The following NRG1 variants were observed in gnomAD, a reference collection of about 807,000 sequenced individuals.
The protein encoded by NRG1 is neuregulin 1, also known as pro-neuregulin-1, membrane-bound isoform.
Under a neutral mutation model 63.8 loss-of-function variants are expected in NRG1, and 18 were observed. That is an observed-to-expected ratio of 0.28 (90% CI 0.19 to 0.42). NRG1 has a LOEUF of 0.42. NRG1 is among the 10% of genes least tolerant of loss of function. The pLI is 1.00. For synonymous variants in NRG1, 302 were observed against 301.3 expected (o/e 1.00, Z -0.02); for missense variants, 762 against 814.7 (o/e 0.94, Z 0.79).
chr8:31,909,614 G>A (rs1205223690), intron 1 of NRG1, among the ~76,000 whole-genome samples: 1 of 152,202 alleles, frequency 6.6e-6, no homozygotes, highest in Non-Finnish European at 1.5e-5. Flanking sequence ...TTGGCTGAAT[G>A]TGTCTGTGCT....
At chr8:32,612,972 AAAG>A (rs1319007316) in intron 3 of NRG1, among the ~76,000 whole-genome samples, 2 of 152,046 alleles carry the variant, frequency 1.3e-5, no homozygotes, top group African/African-American at 2.4e-5. Context: ...ACATTTTCTC[AAAG>A]AAGAACAATT....
chr8:31,640,342 G>A lies in NRG1; in HGVS notation c.37+911G>A. 1 of 1,195,210 alleles carries A rather than the reference G, an allele frequency of 8.4e-7. No homozygotes were observed. Among genetic ancestry groups the A allele is most frequent in the Non-Finnish European group, 1.0e-6 (1 of 965,658 alleles). The allele number at this position is 1,195,210 out of a possible 1,614,324, so 74.0% of individuals were successfully genotyped here. On this transcript the variant is annotated intron_variant, in intron 1 of 10. Transcript: ENST00000519301. This position sits in a 1 kb window ranked among gnomAD's most constrained non-coding sequence, Gnocchi z 6.3. ...GGGCGGCGATCGCGAGCCGCCAGCC[G>A]CGGGCCCACGGGCGCTGGGGCCGCC...
intron 1 of NRG1, among the ~76,000 whole-genome samples, chr8:32,147,889 G>C (rs558688497): frequency 6.6e-6 from 1 of 152,104 alleles, no homozygotes; most frequent in Admixed American, 6.5e-5. Context: ...TTCTCTTGTT[G>C]TTTGAAATAT....
At chr8:32,090,802 G>C (rs1204513522) in intron 1 of NRG1, among the ~76,000 whole-genome samples, 1 of 152,076 alleles carries the variant, frequency 6.6e-6, no homozygotes, top group Non-Finnish European at 1.5e-5. Context: ...AGCAGATTAG[G>C]GGCTGAGGTC....
chr8:32,167,183 C>G (rs1839493451), intron 1 of NRG1, among the ~76,000 whole-genome samples: 2 of 152,094 alleles, frequency 1.3e-5, no homozygotes, highest in Non-Finnish European at 2.9e-5. Context: ...AAGTTAAAGT[C>G]AAAATCCAGC....
chr8:31,898,869 G>C (rs1436083727), intron 1 of NRG1, among the ~76,000 whole-genome samples: 8 of 150,838 alleles, frequency 5.3e-5, no homozygotes, highest in Admixed American at 4.6e-4. Flanking sequence ...TTTTTTCTTT[G>C]CATCCAGATT....
intron 1 of NRG1, among the ~76,000 whole-genome samples, chr8:32,274,878 C>G (rs1851928461): frequency 1.3e-5 from 2 of 152,142 alleles, no homozygotes; most frequent in African/African-American, 4.8e-5. Flanking sequence ...AAATCCCATG[C>G]ATTTTGGAAA....
At chr8:32,053,198 A>G (rs1822274476) in intron 1 of NRG1, among the ~76,000 whole-genome samples, 1 of 152,132 alleles carries the variant, frequency 6.6e-6, no homozygotes, top group African/African-American at 2.4e-5. Context: ...TCTAGAAATG[A>G]TGCTCTGTGG....
chr8:32,645,525 A>G (rs1018823376), intron 5 of NRG1, among the ~76,000 whole-genome samples: 1 of 152,212 alleles, frequency 6.6e-6, no homozygotes, highest in Admixed American at 6.5e-5. Flanking sequence ...GGAAGAAGTG[A>G]TAATATTCTT....
At chr8:32,320,021 G>A (rs917715678) in intron 1 of NRG1, among the ~76,000 whole-genome samples, 2 of 152,074 alleles carry the variant, frequency 1.3e-5, no homozygotes, top group Non-Finnish European at 1.5e-5. Context: ...TTTGAACCCA[G>A]GATAACCTGG....
chr8:32,620,140 G>A (rs1390710519), intron 5 of NRG1, among the ~76,000 whole-genome samples: 1 of 152,110 alleles, frequency 6.6e-6, no homozygotes, highest in Non-Finnish European at 1.5e-5. Flanking sequence ...AAAGTCAAAG[G>A]CCTCAGAAAA....
At chr8:31,902,626 A>G (rs1280808414) in intron 1 of NRG1, among the ~76,000 whole-genome samples, 7 of 152,200 alleles carry the variant, frequency 4.6e-5, no homozygotes, top group Admixed American at 4.6e-4. Context: ...TGAAGAAGAA[A>G]CGTACTAATA....
At chr8:31,806,202 T>C (rs1822268787) in intron 1 of NRG1, among the ~76,000 whole-genome samples, 2 of 152,176 alleles carry the variant, frequency 1.3e-5, no homozygotes, top group Admixed American at 1.3e-4. Context: ...GAACACATGC[T>C]ATCAACTGGA....
rs1324303055 is a variant in NRG1, at chr8:32,734,465, A to G, written c.632+6387A>G. 3.9e-5 allele frequency among the ~76,000 whole-genome samples: 6 copies of G among 152,354 alleles called. No homozygotes were observed. The East Asian group carries it at 9.6e-4, about 24-fold the overall frequency. ...TTGTTGTATTTGTAGTATTGCTGCT[A>G]ACACCAATACCAGCCTAGAAGAGTT... On this transcript the variant is annotated intron_variant, in intron 6 of 11. Transcript: ENST00000356819.
chr8:32,142,014 T>C lies in NRG1; in HGVS notation c.38-453814T>C, dbSNP rs1836341200. Among the ~76,000 whole-genome samples, 4 of 152,140 alleles carry C rather than the reference T, an allele frequency of 2.6e-5. 1 individual carries two copies. The highest frequency in any genetic ancestry group is 2.6e-4 in the Admixed American group (4 of 15,276). ...CTATCCCTGAAAGTGGCTGTTCTTCTCCATCAGTTTCCTGGGCAAGGGCTC... is the reference window on the plus strand; with the variant it reads ...CTATCCCTGAAAGTGGCTGTTCTTCCCCATCAGTTTCCTGGGCAAGGGCTC... On this transcript the variant is annotated intron_variant, in intron 1 of 10. Coordinates refer to the NRG1 transcript ENST00000519301.
intron 6 of NRG1, among the ~76,000 whole-genome samples, chr8:32,732,799 CTTTTTTTT>C (rs1173388613): frequency 4.8e-5 from 4 of 83,344 alleles, no homozygotes; most frequent in Non-Finnish European, 6.7e-5. Context: ...TGTTTAATTT[CTTTTTTTT>C]TTTTTTTTTT....
intron 5 of NRG1, among the ~76,000 whole-genome samples, chr8:32,685,451 C>G (rs1013704233): frequency 6.6e-6 from 1 of 152,156 alleles, no homozygotes; most frequent in African/African-American, 2.4e-5. Context: ...CAACTCTTTT[C>G]CCTCCACACT....
chr8:31,951,173 G>T (rs558516696), intron 1 of NRG1, among the ~76,000 whole-genome samples: 2 of 152,182 alleles, frequency 1.3e-5, no homozygotes, highest in Non-Finnish European at 2.9e-5. Flanking sequence ...AAGCCTTTGA[G>T]GTTGACTGTT....
intron 1 of NRG1, among the ~76,000 whole-genome samples, chr8:31,743,873 T>G (rs571441391): frequency 3.6e-4 from 55 of 152,124 alleles, no homozygotes; most frequent in African/African-American, 1.3e-3. Context: ...ATTGTAGCTT[T>G]GTAAAATGTG....
Sources: gnomAD v4.1 joint callset for allele counts (sites outside exome capture counted in the v4.1 genomes callset) on GRCh38, gnomAD v4.1.1 for gene constraint, Gnocchi (gnomAD v3.1) non-coding constraint, MANE v1.5 for transcripts, NCBI Gene and HGNC (gene_info 2026-07-23, HGNC 2026-07-21) for gene names.